The following SLC44A5 variants were observed in gnomAD, a reference collection of about 807,000 sequenced individuals.
SLC44A5 encodes the protein solute carrier family 44 member 5, also known as choline transporter-like protein 5.
SLC44A5 carries 57 observed loss-of-function variants against 101.8 expected under a neutral mutation model. The ratio of observed to expected loss-of-function variants is 0.56; its 90% CI spans 0.45 to 0.70. The LOEUF is 0.70. SLC44A5 is among the 30% of genes least tolerant of loss of function. SLC44A5 has a pLI of 0.00. For missense variants in SLC44A5, 737 were observed against 853.1 expected (o/e 0.86, Z 1.70); for synonymous variants, 281 against 290.9 (o/e 0.97, Z 0.35).
intron 1 of SLC44A5, among the ~76,000 whole-genome samples, chr1:75,584,560 TTGGGGGTTTTG>T (rs1174184950): frequency 5.3e-5 from 8 of 152,114 alleles, no homozygotes; most frequent in Admixed American, 1.3e-4. Context: ...GTGTTTGCTT[TTGGGGGTTTTG>T]TGGGGGTTTT....
intron 2 of SLC44A5, among the ~76,000 whole-genome samples, chr1:75,478,947 C>T (rs1040207838): frequency 3.3e-5 from 5 of 152,214 alleles, no homozygotes; most frequent in Admixed American, 6.5e-5. Flanking sequence ...ACAGAATATA[C>T]ATTTGTTTCA....
At chr1:75,668,463 T>C in the SLC44A5 span, among the ~76,000 whole-genome samples, 1 of 150,392 alleles carries the variant, frequency 6.6e-6, no homozygotes, top group Admixed American at 6.6e-5. Context: ...TAGCTAGGAT[T>C]ACAGGTATAT....
At chr1:75,317,346 G>A (rs928455447) in intron 4 of SLC44A5, among the ~76,000 whole-genome samples, 5 of 152,300 alleles carry the variant, frequency 3.3e-5, no homozygotes, top group Non-Finnish European at 7.4e-5. Flanking sequence ...AGTGAGAAGG[G>A]AATAGGAATT....
At chr1:75,247,431 A>G (rs1261484379) in intron 7 of SLC44A5, among the ~76,000 whole-genome samples, 2 of 152,140 alleles carry the variant, frequency 1.3e-5, no homozygotes. Context: ...TAGAAATATC[A>G]CATGGGTGGT....
intron 2 of SLC44A5, among the ~76,000 whole-genome samples, chr1:75,439,552 T>C (rs1442466136): frequency 7.5e-6 from 1 of 132,978 alleles, no homozygotes; most frequent in Admixed American, 7.5e-5. Flanking sequence ...ACCCTGTCTC[T>C]AAGGGGAAAA....
intron 2 of SLC44A5, among the ~76,000 whole-genome samples, chr1:75,493,214 T>C (rs1668511194): frequency 6.6e-6 from 1 of 152,192 alleles, no homozygotes; most frequent in Non-Finnish European, 1.5e-5. Flanking sequence ...TGCAGATTTC[T>C]GACCCCTGAA....
At chr1:75,263,680 C>G (rs1042353151) in intron 6 of SLC44A5, among the ~76,000 whole-genome samples, 9 of 152,126 alleles carry the variant, frequency 5.9e-5, no homozygotes, top group African/African-American at 1.7e-4. Flanking sequence ...CACATACACA[C>G]GTATGTTTAT....
chr1:75,365,771 T>C (rs1419648026), intron 3 of SLC44A5, among the ~76,000 whole-genome samples: 1 of 152,194 alleles, frequency 6.6e-6, no homozygotes, highest in East Asian at 1.9e-4. Flanking sequence ...GTATACTTTG[T>C]TCTGTTCTCA....
Position 75,215,734 on chromosome 1 carries a change from T to TAATAA in SLC44A5, c.1728+15_1728+19dup. The TAATAA allele has an allele frequency of 7.0e-7, 1 of 1,422,992 alleles. No individual in the cohort carries two copies. Among genetic ancestry groups the TAATAA allele is most frequent in the African/African-American group, 1.4e-5 (1 of 70,944 alleles). 88.1% of individuals were successfully genotyped at this position (1,422,992 alleles called of 1,614,324 possible). On this transcript the variant is annotated intron_variant, in intron 19 of 23. Coordinates refer to ENST00000370859, the MANE Select transcript of SLC44A5 (RefSeq NM_001130058.2). ...GATTGCAAAGAAGCAGCTTAGTAAA[T>TAATAA]AATAAAATAATCTACCTACCATAAT...
intron 2 of SLC44A5, among the ~76,000 whole-genome samples, chr1:75,484,417 T>G (rs748236602): frequency 6.6e-6 from 1 of 152,190 alleles, no homozygotes; most frequent in Non-Finnish European, 1.5e-5. Flanking sequence ...TAAAATGATC[T>G]TCTTTGACTC....
At chr1:75,553,883 C>CAGGAGGAGGAGG (rs57453178) in intron 1 of SLC44A5, among the ~76,000 whole-genome samples, 4 of 149,776 alleles carry the variant, frequency 2.7e-5, no homozygotes, top group African/African-American at 9.8e-5. Flanking sequence ...CCTTGTGGAG[C>CAGGAGGAGGAGG]AGGAGGAGGA....
chr1:75,389,766 G>A (rs1661658712), intron 3 of SLC44A5, among the ~76,000 whole-genome samples: 1 of 151,834 alleles, frequency 6.6e-6, no homozygotes, highest in Non-Finnish European at 1.5e-5. Flanking sequence ...AGAAAAACAA[G>A]AACAAACTAA....
chr1:75,636,007 T>C, the SLC44A5 span, among the ~76,000 whole-genome samples: 1 of 151,924 alleles, frequency 6.6e-6, no homozygotes, highest in African/African-American at 2.4e-5. Context: ...AGGGTATCCA[T>C]CACCTGAATA....
chr1:75,622,963 T>C, the SLC44A5 span, among the ~76,000 whole-genome samples: 2 of 152,142 alleles, frequency 1.3e-5, no homozygotes, highest in African/African-American at 2.4e-5. Flanking sequence ...GACATATTTT[T>C]GACAATGAAC....
At chr1:75,639,882 C>T in the SLC44A5 span, among the ~76,000 whole-genome samples, 18 of 151,952 alleles carry the variant, frequency 1.2e-4, no homozygotes, top group African/African-American at 4.4e-4. Context: ...TTTGGCTGGC[C>T]TCAGCCTTGG....
chr1:75,648,047 A>C, the SLC44A5 span, among the ~76,000 whole-genome samples: 1 of 152,162 alleles, frequency 6.6e-6, no homozygotes, highest in Non-Finnish European at 1.5e-5. Flanking sequence ...TCCCCACCCA[A>C]ATCTCATCTT....
chr1:75,688,396 T>G, the SLC44A5 span, among the ~76,000 whole-genome samples: 1 of 152,200 alleles, frequency 6.6e-6, no homozygotes, highest in Non-Finnish European at 1.5e-5. Flanking sequence ...TCAGTATACT[T>G]TTTGGACACA....
chr1:75,324,671 G>A lies in SLC44A5; in HGVS notation c.101+14911C>T, dbSNP rs139994831. On this transcript the variant is annotated intron_variant, in intron 4 of 23. Coordinates refer to ENST00000370859, the MANE Select transcript of SLC44A5 (RefSeq NM_001130058.2). ...AGTCTGAAGGCTGCAAGTTTATTGT[G>A]GCCACATCAGCCCTTCCTCAGGAAT... Among the ~76,000 whole-genome samples, 900 of 152,134 alleles carry A rather than the reference G, an allele frequency of 5.9e-3. 16 individuals carry two copies. Among genetic ancestry groups the A allele is most frequent in the African/African-American group, 0.021 (869 of 41,522 alleles).
intron 4 of SLC44A5, among the ~76,000 whole-genome samples, chr1:75,318,309 C>A (rs193233668): frequency 4.2e-4 from 63 of 151,200 alleles, no homozygotes; most frequent in Non-Finnish European, 4.7e-4. Flanking sequence ...TTGAAGCGTT[C>A]GAGGCTACAG....
Sources: allele counts gnomAD v4.1 joint callset (sites outside exome capture counted in the v4.1 genomes callset), GRCh38; gene constraint gnomAD v4.1.1; transcripts MANE v1.5; gene names NCBI Gene and HGNC (gene_info 2026-07-23, HGNC 2026-07-21).